OSBPL5: variants seen among roughly 807,000 people sequenced by gnomAD.
The protein encoded by OSBPL5 is oxysterol-binding protein-related protein 5.
OSBPL5 carries 71 observed loss-of-function variants against 111.2 expected under a neutral mutation model. The ratio of observed to expected loss-of-function variants is 0.64; its 90% CI spans 0.53 to 0.78. OSBPL5 has a LOEUF of 0.78. Among genes scored for constraint, OSBPL5 ranks in the 30% least tolerant of loss-of-function variants. OSBPL5 has a pLI of 0.00. For missense variants in OSBPL5, 1,210 were observed against 1,189.3 expected (o/e 1.02, Z -0.26); for synonymous variants, 549 against 513.9 (o/e 1.07, Z -0.93).
chr11:3,091,626 C>CG (rs933252065), intron 19 of OSBPL5, among the ~76,000 whole-genome samples: 3 of 151,558 alleles, frequency 2.0e-5, no homozygotes, highest in African/African-American at 4.9e-5. Context: ...GGCCTGAGCC[C>CG]GGGGGGATGG....
rs1846674194 is a variant in OSBPL5, at chr11:3,154,064, T to C, written c.-22+11152A>G. 6.6e-6 allele frequency among the ~76,000 whole-genome samples: 1 copy of C among 152,180 alleles called. No homozygotes were observed. The highest frequency in any genetic ancestry group is 1.5e-5 in the Non-Finnish European group (1 of 68,024). Reference sequence around the variant, plus strand: ...GGAAGGTCTGTGCCCGGGAAACACATGGCATTCAAACCGCCGCTGGTGTGT... The same window carrying C: ...GGAAGGTCTGTGCCCGGGAAACACACGGCATTCAAACCGCCGCTGGTGTGT... On this transcript the variant is annotated intron_variant, in intron 1 of 21. Transcript: ENST00000263650. This position sits in a 1 kb window ranked among gnomAD's most constrained non-coding sequence, Gnocchi z 4.9.
At position 3,118,451 on chromosome 11, in the gene OSBPL5, G is replaced by A. The variant is rs112696238; in HGVS notation, c.691+1096C>T. On this transcript the variant is annotated intron_variant, in intron 7 of 21. Coordinates refer to ENST00000263650, the MANE Select transcript of OSBPL5 (RefSeq NM_020896.4). ...GTTCATCTTGCATGTGTTGACTGAT[G>A]TCTCATATCTCCCTAAAATGTATAA... Among the ~76,000 whole-genome samples the A allele has an allele frequency of 4.7e-3, 722 of 152,200 alleles. 10 individuals are homozygous for A. The highest frequency in any genetic ancestry group is 0.017 in the African/African-American group (689 of 41,518).
At chr11:3,091,201 G>C (rs1310752265) in intron 19 of OSBPL5, among the ~76,000 whole-genome samples, 1 of 152,258 alleles carries the variant, frequency 6.6e-6, no homozygotes, top group East Asian at 1.9e-4. Flanking sequence ...AGTGCAGGCA[G>C]GGCTCATCCA....
Position 3,107,216 on chromosome 11 carries a change from G to A in OSBPL5, c.1059+47C>T. 6.3e-7 allele frequency: 1 copy of A among 1,581,870 alleles called. No individual in the cohort carries two copies. Among genetic ancestry groups the A allele is most frequent in the Non-Finnish European group, 8.6e-7 (1 of 1,165,524 alleles). ...GCTACCTCTGCTTCCGGAACAAGGG[G>A]CCGAGGCAGGGGAGACGCTTGGGGC... is the stretch of plus-strand genomic sequence containing the variant. On this transcript the variant is annotated intron_variant, in intron 9 of 21. Coordinates refer to ENST00000263650, the MANE Select transcript of OSBPL5 (RefSeq NM_020896.4). The surrounding 1 kb of genome is among the most constrained non-coding windows in gnomAD (Gnocchi z 6.1).
chr11:3,144,791 C>T (rs751468164), intron 1 of OSBPL5, among the ~76,000 whole-genome samples: 4 of 152,256 alleles, frequency 2.6e-5, no homozygotes, highest in Non-Finnish European at 4.4e-5. Context: ...GCCACCCTGG[C>T]GGGAGGTCAG....
At chr11:3,119,285 A>T (rs369549051) in intron 7 of OSBPL5, among the ~76,000 whole-genome samples, 48 of 152,214 alleles carry the variant, frequency 3.2e-4, no homozygotes, top group African/African-American at 1.1e-3. Context: ...TGCTGGGATT[A>T]CAGGTGTGAG....
At chr11:3,164,998 C>T (rs1847076401) in intron 1 of OSBPL5, among the ~76,000 whole-genome samples, 1 of 151,140 alleles carries the variant, frequency 6.6e-6, no homozygotes, top group Non-Finnish European at 1.5e-5. Context: ...GGCTCCCGCG[C>T]TCCCCAGCTC....
rs1056938289 is a variant in OSBPL5, at chr11:3,141,693, C to G, written c.-21-12524G>C. 1.3e-5 allele frequency among the ~76,000 whole-genome samples: 2 copies of G among 152,164 alleles called. No homozygotes were observed. The highest frequency in any genetic ancestry group is 4.1e-4 in the South Asian group (2 of 4,824). ...TGCCAAGTTGCGATTCTCATGCATC[C>G]CAGTGCTTTGCCGAGGTGCCTACGC... On this transcript the variant is annotated intron_variant, in intron 1 of 21. Coordinates refer to ENST00000263650, the MANE Select transcript of OSBPL5 (RefSeq NM_020896.4). This position sits in a 1 kb window ranked among gnomAD's most constrained non-coding sequence, Gnocchi z 6.5.
At position 3,126,979 on chromosome 11, in the gene OSBPL5, C is replaced by T. The variant is rs1028967565; in HGVS notation, c.137-424G>A. Among the ~76,000 whole-genome samples, 3 of 152,182 alleles carry T rather than the reference C, an allele frequency of 2.0e-5. No homozygotes were observed. The highest frequency in any genetic ancestry group is 1.3e-4 in the Admixed American group (2 of 15,284). On this transcript the variant is annotated intron_variant, in intron 2 of 21. Coordinates refer to ENST00000263650, the MANE Select transcript of OSBPL5 (RefSeq NM_020896.4). This position sits in a 1 kb window ranked among gnomAD's most constrained non-coding sequence, Gnocchi z 6.5. Reference sequence around the variant, plus strand: ...CCTGGCTGGATGCTGCCGGCCCCTGCGTGCTGGGCTCTTGCTGGGAGGTGG... The same window carrying T: ...CCTGGCTGGATGCTGCCGGCCCCTGTGTGCTGGGCTCTTGCTGGGAGGTGG...
In OSBPL5 at chr11:3,119,567, C is replaced by A. The variant is rs79747973; in HGVS notation, c.671G>T (p.Arg224Met). Residue 224 changes from arginine (R) to methionine (M), a missense_variant, in exon 7 of 22, where the codon AGG becomes ATG. Physicochemically the swap from Arg to Met is moderately conservative, Grantham distance 91. Coordinates refer to ENST00000263650, the MANE Select transcript of OSBPL5 (RefSeq NM_020896.4). ...CTCACCATCTGACTCGGAGGCGGCC[C>A]TGAAGATCAGGTAGCTGCTGGGCAG... is the stretch of plus-strand genomic sequence containing the variant. ...QPLPSSYLIF[R>M]AASESDGRCW... The A allele has an allele frequency of 2.5e-6, 4 of 1,579,336 alleles. No homozygotes were observed. The highest frequency in any genetic ancestry group is 3.4e-6 in the Non-Finnish European group (4 of 1,167,046).
chr11:3,154,423 G>T lies in OSBPL5; in HGVS notation c.-22+10793C>A, dbSNP rs79698678. ...GGTGAGCCCGGAAGGGTGAGCATGC[G>T]CCTGCTGACGCTTCGTTCACCAAGC... On this transcript the variant is annotated intron_variant, in intron 1 of 21. Transcript: ENST00000263650. The surrounding 1 kb of genome is among the most constrained non-coding windows in gnomAD (Gnocchi z 4.9). Among the ~76,000 whole-genome samples, 18,078 of 152,292 alleles carry T rather than the reference G, an allele frequency of 0.12. 1,116 individuals are homozygous for T. Among genetic ancestry groups the T allele is most frequent in the Non-Finnish European group, 0.12 (8,344 of 68,012 alleles).
chr11:3,147,181 TGGACTTG>T (rs1846384645), intron 1 of OSBPL5, among the ~76,000 whole-genome samples: 1 of 152,194 alleles, frequency 6.6e-6, no homozygotes, highest in Admixed American at 6.5e-5. Flanking sequence ...GCCTGAGTGC[TGGACTTG>T]GGACTCCTGC....
intron 21 of OSBPL5, among the ~76,000 whole-genome samples, 171 bp from the exon 22 acceptor site, chr11:3,088,514 G>A (rs1275437338): frequency 6.6e-6 from 1 of 152,144 alleles, no homozygotes; most frequent in Non-Finnish European, 1.5e-5. Context: ...AAGCTTGTTA[G>A]TGGGAGGGCC....
At chr11:3,135,123 C>T (rs928827201) in intron 1 of OSBPL5, among the ~76,000 whole-genome samples, 3 of 152,246 alleles carry the variant, frequency 2.0e-5, no homozygotes, top group East Asian at 3.9e-4. Flanking sequence ...AGCAGCTGAC[C>T]GCCCCCGTGC....
chr11:3,107,633 G>T lies in OSBPL5; in HGVS notation c.866+138C>A. On this transcript the variant is annotated intron_variant, in intron 8 of 21. Transcript: ENST00000263650. This position sits in a 1 kb window ranked among gnomAD's most constrained non-coding sequence, Gnocchi z 6.1. ...AGAGGAAGGAACCGAGGCTCCCAGG[G>T]CACACTGCAGCGAACAAGTCCCTGC... The T allele has an allele frequency of 7.3e-7, 1 of 1,373,362 alleles. No homozygotes were observed. Among genetic ancestry groups the T allele is most frequent in the Non-Finnish European group, 1.0e-6 (1 of 999,472 alleles). 85.1% of individuals were successfully genotyped at this position (1,373,362 alleles called of 1,614,324 possible). A position where few individuals can be genotyped will look rare whatever the true frequency, so the allele number is the denominator to read the frequency against.
chr11:3,117,613 C>T (rs1218354490), intron 7 of OSBPL5, among the ~76,000 whole-genome samples: 1 of 152,192 alleles, frequency 6.6e-6, no homozygotes, highest in African/African-American at 2.4e-5. Flanking sequence ...GTTTCAAAAA[C>T]TATAGTACAG....
At chr11:3,094,417 C>T (rs183348848) in intron 14 of OSBPL5, 83 bp from the exon 15 acceptor site, 39 of 1,102,470 alleles carry the variant, frequency 3.5e-5, no homozygotes, top group Admixed American at 9.4e-5. Flanking sequence ...CCAGCAGCAC[C>T]GATCCCTGAG....
Position 3,088,107 on chromosome 11 carries a change from G to T in OSBPL5, c.*98C>A. ...CTGGACTCCCCGTCACAGTGGCTGT[G>T]CTTGCCGGGCCTCTCTGCCTCCATG... On this transcript the variant is annotated 3_prime_UTR_variant, in exon 22 of 22. Transcript: ENST00000263650. 1 of 1,202,104 alleles carries T rather than the reference G, an allele frequency of 8.3e-7. No individual in the cohort carries two copies. The highest frequency in any genetic ancestry group is 1.1e-6 in the Non-Finnish European group (1 of 898,688). The allele number at this position is 1,202,104 out of a possible 1,614,324, so 74.5% of individuals were successfully genotyped here.
chr11:3,144,627 C>T (rs932324205), intron 1 of OSBPL5, among the ~76,000 whole-genome samples: 50 of 152,238 alleles, frequency 3.3e-4, no homozygotes, highest in Admixed American at 1.1e-3. Context: ...CAGCCACACA[C>T]GTGGGTGGTC....
Sources: allele counts gnomAD v4.1 joint callset (sites outside exome capture counted in the v4.1 genomes callset), GRCh38; gene constraint gnomAD v4.1.1; non-coding constraint Gnocchi (gnomAD v3.1); transcripts MANE v1.5; gene names NCBI Gene and HGNC (gene_info 2026-07-23, HGNC 2026-07-21).